Variants in ZNF407 observed in about 807,000 individuals in gnomAD.
ZNF407 encodes the protein zinc finger protein 407.
Under a neutral mutation model 131.2 loss-of-function variants are expected in ZNF407, and 17 were observed. The ratio of observed to expected loss-of-function variants is 0.13; its 90% CI spans 0.09 to 0.19. The LOEUF (loss-of-function observed/expected upper bound fraction) is 0.19, where lower values mean the gene tolerates loss of function less well. Ranked by LOEUF, ZNF407 falls within the 10% of genes least tolerant of loss-of-function variation. ZNF407 has a pLI of 1.00. For synonymous variants in ZNF407, 1,156 were observed against 1,062.0 expected (o/e 1.09, Z -1.72); for missense variants, 2,681 against 2,830.6 (o/e 0.95, Z 1.20).
intron 3 of ZNF407, among the ~76,000 whole-genome samples, chr18:74,664,099 T>C (rs1390767725): frequency 6.6e-6 from 1 of 152,162 alleles, no homozygotes; most frequent in Non-Finnish European, 1.5e-5. Context: ...CATGGCCAAG[T>C]AGTGTGTGAG....
chr18:74,789,370 G>A lies in ZNF407; in HGVS notation c.4877+7868G>A, dbSNP rs1969781762. ...TCAGTGGCCTTGCACACACGGTTGGGGAGAGTGGTCTAAGGTAGAGAACTA... is the reference window on the plus strand; with the variant it reads ...TCAGTGGCCTTGCACACACGGTTGGAGAGAGTGGTCTAAGGTAGAGAACTA... On this transcript the variant is annotated intron_variant, in intron 4 of 8. Coordinates refer to ENST00000299687, the MANE Select transcript of ZNF407 (RefSeq NM_017757.3). Among the ~76,000 whole-genome samples, 3 of 152,138 alleles carry A rather than the reference G, an allele frequency of 2.0e-5. No individual in the cohort carries two copies. In the South Asian group the frequency reaches 6.2e-4, roughly 32 times the overall value.
rs572945967 is a variant in ZNF407 at position 74,605,485 on chromosome 18, C to G, written c.-54+7548C>G. ...GTTATAGCTGTTATCCAGCAGTGGTCAGAACAGTACTGCCCATGCCATGAA... is the reference window on the plus strand; with the variant it reads ...GTTATAGCTGTTATCCAGCAGTGGTGAGAACAGTACTGCCCATGCCATGAA... On this transcript the variant is annotated intron_variant, in intron 1 of 8. Transcript: ENST00000299687. 6.6e-5 allele frequency among the ~76,000 whole-genome samples: 10 copies of G among 152,162 alleles called. No homozygotes were observed. In the East Asian group the frequency reaches 1.9e-3, roughly 29 times the overall value.
chr18:74,698,454 G>A (rs1406311604), intron 3 of ZNF407, among the ~76,000 whole-genome samples: 2 of 152,158 alleles, frequency 1.3e-5, no homozygotes, highest in African/African-American at 4.8e-5. Context: ...TTCTGAGCTG[G>A]TTATATGTAT....
intron 4 of ZNF407, among the ~76,000 whole-genome samples, chr18:74,840,221 T>C (rs1970613584): frequency 6.6e-6 from 1 of 152,174 alleles, no homozygotes; most frequent in African/African-American, 2.4e-5. Flanking sequence ...GTTCATCCTC[T>C]TCTGCACACA....
chr18:74,960,666 AGGGATAGGAGAAGGTCCTGAGTCAGTG>A lies in ZNF407; in HGVS notation c.5428+39975_5428+40001del, dbSNP rs1288519291. Among the ~76,000 whole-genome samples the A allele has an allele frequency of 2.3e-3, 339 of 145,076 alleles. 31 individuals are homozygous for A. The highest frequency in any genetic ancestry group is 8.2e-3 in the African/African-American group (311 of 37,784). ...AAGGTCCTGAGTCAGTGCTGGGTGG[AGGGATAGGAGAAGGTCCTGAGTCAGTG>A]CTGGGTGGAGGGATAGGAGAAGGTC... On this transcript the variant is annotated intron_variant, in intron 8 of 8. Coordinates refer to ENST00000299687, the MANE Select transcript of ZNF407 (RefSeq NM_017757.3).
intron 3 of ZNF407, among the ~76,000 whole-genome samples, chr18:74,689,396 T>G (rs1967168879): frequency 6.6e-6 from 1 of 152,200 alleles, no homozygotes; most frequent in Non-Finnish European, 1.5e-5. Context: ...GAGAGTACAT[T>G]CTTGTTATTG....
chr18:74,698,959 T>C (rs1401380913), intron 3 of ZNF407, among the ~76,000 whole-genome samples: 1 of 152,022 alleles, frequency 6.6e-6, no homozygotes, highest in African/African-American at 2.4e-5. Context: ...TTTGGAAAAA[T>C]TCGAATTTGT....
intron 4 of ZNF407, among the ~76,000 whole-genome samples, chr18:74,785,383 C>T (rs143869694): frequency 2.0e-5 from 3 of 152,224 alleles, no homozygotes; most frequent in African/African-American, 7.2e-5. Flanking sequence ...CTGGCCTCTC[C>T]CCTTTTATGA....
intron 4 of ZNF407, among the ~76,000 whole-genome samples, chr18:74,849,321 G>T (rs567553126): frequency 4.6e-5 from 7 of 151,786 alleles, no homozygotes; most frequent in Admixed American, 4.6e-4. Flanking sequence ...CTCGTGATCC[G>T]CCCGCCTGTG....
intron 8 of ZNF407, among the ~76,000 whole-genome samples, chr18:75,057,747 C>T (rs1373678952): frequency 6.6e-6 from 1 of 152,080 alleles, no homozygotes; most frequent in Admixed American, 6.6e-5. Context: ...ACAGAAAATG[C>T]CATATTCAGG....
chr18:74,933,307 A>G (rs1194095344), intron 8 of ZNF407, among the ~76,000 whole-genome samples: 6 of 152,352 alleles, frequency 3.9e-5, no homozygotes, highest in African/African-American at 1.4e-4. Flanking sequence ...GCTTACATTG[A>G]TAAGTATAAT....
intron 8 of ZNF407, among the ~76,000 whole-genome samples, chr18:74,970,251 C>T (rs1442852970): frequency 6.6e-6 from 1 of 151,900 alleles, no homozygotes. Context: ...ACAGCCAAAC[C>T]ATATCATTCC....
chr18:74,839,590 G>A (rs928252130), intron 4 of ZNF407, among the ~76,000 whole-genome samples: 12 of 152,158 alleles, frequency 7.9e-5, no homozygotes, highest in Admixed American at 3.9e-4. Flanking sequence ...TACCTTTAGA[G>A]AAACACCTGG....
intron 4 of ZNF407, among the ~76,000 whole-genome samples, chr18:74,859,469 T>A (rs1262578618): frequency 6.6e-6 from 1 of 152,202 alleles, no homozygotes; most frequent in Non-Finnish European, 1.5e-5. Context: ...TAGCTGTATG[T>A]AGGTTTTATA....
At chr18:74,789,406 G>A (rs1201786776) in intron 4 of ZNF407, among the ~76,000 whole-genome samples, 2 of 152,136 alleles carry the variant, frequency 1.3e-5, no homozygotes, top group African/African-American at 4.8e-5. Flanking sequence ...AGATCCCAGA[G>A]TTGTGTGCGT....
Position 75,064,158 on chromosome 18 carries a change from T to A in ZNF407, c.6437T>A (p.Ile2146Asn). 1 of 1,604,792 alleles carries A rather than the reference T, an allele frequency of 6.2e-7. No individual in the cohort carries two copies. Reference sequence around the variant, plus strand: ...TCCGACGGGGAGATCTCGCAGATCATCGTGACGGAGGAGCTGGTCCAGGCC... The same window carrying A: ...TCCGACGGGGAGATCTCGCAGATCAACGTGACGGAGGAGCTGGTCCAGGCC... ...VESDGEISQI[I>N]VTEELVQAMV... is the part of the protein sequence containing the mutation. The change falls in exon 9 of 9, where the codon ATC (isoleucine) becomes AAC (asparagine). Residue 2146 changes from isoleucine to asparagine, a missense_variant. Physicochemically the swap from Ile to Asn is moderately radical, Grantham distance 149. Coordinates refer to ENST00000299687, the MANE Select transcript of ZNF407 (RefSeq NM_017757.3).
In ZNF407 at chr18:74,976,225, G is replaced by A. The variant is rs76095915; in HGVS notation, c.5428+55533G>A. ...ACCACCCTGTGGAAGTGTGAATCCT[G>A]TGATCATTCACTGTTTTCTCATTAG... On this transcript the variant is annotated intron_variant, in intron 8 of 8. Transcript: ENST00000299687. Among the ~76,000 whole-genome samples the A allele has an allele frequency of 5.8e-3, 890 of 152,310 alleles. 14 individuals carry two copies. The highest frequency in any genetic ancestry group is 0.02 in the African/African-American group (815 of 41,566).
At chr18:74,689,198 T>G (rs1967164909) in intron 3 of ZNF407, among the ~76,000 whole-genome samples, 1 of 152,234 alleles carries the variant, frequency 6.6e-6, no homozygotes, top group African/African-American at 2.4e-5. Context: ...CATACAGATC[T>G]TGCACATACT....
At chr18:75,016,240 G>A (rs950072992) in intron 8 of ZNF407, among the ~76,000 whole-genome samples, 2 of 152,008 alleles carry the variant, frequency 1.3e-5, no homozygotes, top group Non-Finnish European at 2.9e-5. Context: ...AACCATGACC[G>A]TTTCCTGGTT....
Sources: allele counts gnomAD v4.1 joint callset (sites outside exome capture counted in the v4.1 genomes callset), GRCh38; gene constraint gnomAD v4.1.1; transcripts MANE v1.5; gene names NCBI Gene and HGNC (gene_info 2026-07-23, HGNC 2026-07-21).